GLB1: variants seen among roughly 807,000 people sequenced by gnomAD.
GLB1 encodes galactosidase beta 1.
In GLB1, 56 loss-of-function variants were observed where a neutral mutation model predicts 74.0. The observed-to-expected ratio is 0.76, with a 90% confidence interval of 0.61 to 0.94. The LOEUF (loss-of-function observed/expected upper bound fraction) is 0.94. Ranked by LOEUF, GLB1 falls within the 40% of genes least tolerant of loss-of-function variation. The pLI, the probability that GLB1 is intolerant of heterozygous loss-of-function variation, is 0.00. For missense variants in GLB1, 787 were observed against 845.5 expected (o/e 0.93, Z 0.86); for synonymous variants, 323 against 323.6 (o/e 1.00, Z 0.02).
chr3:33,046,217 T>A lies in GLB1; in HGVS notation c.971A>T (p.Tyr324Phe), dbSNP rs977975596. ...GTCGTAGCTGGTGGGCTGTGCTGCA[T>A]AGGGTGAGTTGGCCCCTAGAAGACA... ...FAYWNGANSPYAAQPTSYDYD... is the reference protein window; with the variant it reads ...FAYWNGANSPFAAQPTSYDYD... Residue 324 changes from tyrosine to phenylalanine, a missense_variant, in exon 10 of 16, where the codon TAT (tyrosine) becomes TTT (phenylalanine). Tyr to Phe is a conservative substitution (Grantham distance 22). Coordinates refer to ENST00000307363, the MANE Select transcript of GLB1 (RefSeq NM_000404.4). 3 of 1,613,896 alleles carry A rather than the reference T, an allele frequency of 1.9e-6. No homozygotes were observed. In the African/African-American group the frequency reaches 4.0e-5, roughly 22 times the overall value.
intron 9 of GLB1, among the ~76,000 whole-genome samples, chr3:33,046,578 G>C (rs1367571314): frequency 6.6e-6 from 1 of 152,050 alleles, no homozygotes; most frequent in Non-Finnish European, 1.5e-5. Context: ...AGTAATGGCA[G>C]GGCTTATGAT....
chr3:33,065,093 T>C (rs1306894603), intron 5 of GLB1, among the ~76,000 whole-genome samples: 1 of 152,158 alleles, frequency 6.6e-6, no homozygotes, highest in Non-Finnish European at 1.5e-5. Context: ...GAAAACAATA[T>C]TGCAGGAGAA....
At chr3:33,023,187 T>C (rs1334322458) in intron 11 of GLB1, among the ~76,000 whole-genome samples, 1 of 152,240 alleles carries the variant, frequency 6.6e-6, no homozygotes, top group Admixed American at 6.5e-5. Flanking sequence ...AATGTTGTTG[T>C]TTTGAACATT....
intron 10 of GLB1, chr3:33,030,961 T>A (rs1697978840): frequency 2.6e-6 from 1 of 383,254 alleles, no homozygotes. Flanking sequence ...GAGGTCAAAG[T>A]GTTAACCATG....
the GLB1 span, among the ~76,000 whole-genome samples, chr3:32,976,046 C>T: frequency 6.6e-6 from 1 of 152,186 alleles, no homozygotes; most frequent in Non-Finnish European, 1.5e-5. Flanking sequence ...ACCCATCTCC[C>T]CTTTCCTCAG....
At chr3:33,062,495 A>T (rs372778553) in intron 5 of GLB1, among the ~76,000 whole-genome samples, 1 of 152,118 alleles carries the variant, frequency 6.6e-6, no homozygotes, top group South Asian at 2.1e-4. Context: ...CACACACAGA[A>T]ATACTGTTTA....
chr3:33,066,199 T>C (rs1286167384), intron 4 of GLB1, among the ~76,000 whole-genome samples: 1 of 152,186 alleles, frequency 6.6e-6, no homozygotes, highest in Non-Finnish European at 1.5e-5. Flanking sequence ...TTTGTCCCTC[T>C]GAAACTCATG....
Position 33,077,295 on chromosome 3 carries a change from A to C in GLB1, c.76-4582T>G, listed in dbSNP as rs1244556707. The C allele has an allele frequency of 7.0e-6, 11 of 1,573,592 alleles. No individual in the cohort carries two copies. The East Asian group carries it at 2.1e-4, about 29-fold the overall frequency. On this transcript the variant is annotated intron_variant, in intron 1 of 15. Transcript: ENST00000307363. ...GCAGGGCAGGAGGGTTCTGTGGTGC[A>C]GTTTAGGATTAAGAGGCATACACCA...
chr3:32,994,910 G>A (rs1696280810), downstream of GLB1, among the ~76,000 whole-genome samples: 1 of 136,058 alleles, frequency 7.3e-6, no homozygotes, highest in Non-Finnish European at 1.5e-5. Context: ...GACAGAGCAA[G>A]ACTCTGTTTC....
At chr3:33,096,990 A>G in intron 1 of GLB1, 21 bp downstream of exon 1, 1 of 1,610,084 alleles carries the variant, frequency 6.2e-7, no homozygotes, top group South Asian at 1.1e-5. Context: ...GCCTCCCCGT[A>G]CCCGGGTCCC....
At chr3:33,088,766 T>A (rs1163340380) in intron 1 of GLB1, among the ~76,000 whole-genome samples, 1 of 152,204 alleles carries the variant, frequency 6.6e-6, no homozygotes, top group African/African-American at 2.4e-5. Context: ...TAGCATTTCT[T>A]GCAGAAATAG....
chr3:32,973,139 G>A, the GLB1 span, among the ~76,000 whole-genome samples: 1 of 152,120 alleles, frequency 6.6e-6, no homozygotes, highest in African/African-American at 2.4e-5. Flanking sequence ...TTAGTCCTTT[G>A]GATGTTAATC....
At chr3:32,993,870 T>C (rs1478306990), downstream of GLB1, among the ~76,000 whole-genome samples, 1 of 152,010 alleles carries the variant, frequency 6.6e-6, no homozygotes, top group East Asian at 1.9e-4. Context: ...GGTCTTGCCA[T>C]ATTGCCCAGC....
intron 15 of GLB1, among the ~76,000 whole-genome samples, chr3:32,998,675 G>A (rs1696422135): frequency 6.6e-6 from 1 of 152,000 alleles, no homozygotes; most frequent in Non-Finnish European, 1.5e-5. Context: ...CATAAAGGGA[G>A]AAGGAAGAGG....
Position 33,013,887 on chromosome 3 carries a change from C to T in GLB1, c.1734+169G>A, listed in dbSNP as rs12633200. ...CAGATGGCAGCACCTCCGAGCTGGC[C>T]ACTGAATCCCTGAAGATCTGCCACA... On this transcript the variant is annotated intron_variant, in intron 15 of 15. Coordinates refer to ENST00000307363, the MANE Select transcript of GLB1 (RefSeq NM_000404.4). Among the ~76,000 whole-genome samples the T allele has an allele frequency of 0.022, 3,369 of 152,196 alleles. 521 individuals are homozygous for T. The East Asian group carries it at 0.42, about 19-fold the overall frequency.
chr3:32,969,349 A>G, the GLB1 span, among the ~76,000 whole-genome samples: 3 of 152,218 alleles, frequency 2.0e-5, no homozygotes, highest in Admixed American at 2.0e-4. Context: ...GGCTATTTAT[A>G]AAGAAAAAAA....
At chr3:33,062,701 T>C (rs1390778860) in intron 5 of GLB1, among the ~76,000 whole-genome samples, 1 of 152,084 alleles carries the variant, frequency 6.6e-6, no homozygotes, top group African/African-American at 2.4e-5. Flanking sequence ...GGCAGGAGGA[T>C]CACTTGAACC....
intron 1 of GLB1, chr3:33,077,531 A>G (rs1700159963): frequency 1.4e-6 from 1 of 717,328 alleles, no homozygotes; most frequent in Non-Finnish European, 2.0e-6. Context: ...TCTGTTCTTT[A>G]CAGACCAAGA....
chr3:33,045,896 T>G, intron 10 of GLB1: 1 of 813,994 alleles, frequency 1.2e-6, no homozygotes, highest in South Asian at 1.8e-5. Flanking sequence ...ATTGCAGTTT[T>G]TAAATACATG....
Sources: gnomAD v4.1 joint callset for allele counts (sites outside exome capture counted in the v4.1 genomes callset) on GRCh38, gnomAD v4.1.1 for gene constraint, MANE v1.5 for transcripts, NCBI Gene and HGNC (gene_info 2026-07-23, HGNC 2026-07-21) for gene names.